The following LRRC4C variants were observed in gnomAD, a reference collection of about 807,000 sequenced individuals.
LRRC4C encodes the protein leucine rich repeat containing 4C, also known as leucine-rich repeat-containing protein 4C.
Under a neutral mutation model 33.6 loss-of-function variants are expected in LRRC4C, and 5 were observed. The ratio of observed to expected loss-of-function variants is 0.15; its 90% confidence interval spans 0.08 to 0.31. The LOEUF (loss-of-function observed/expected upper bound fraction) is 0.31. LRRC4C is among the 10% of genes least tolerant of loss of function. The pLI is 1.00. For synonymous variants in LRRC4C, 329 were observed against 302.0 expected (o/e 1.09, Z -0.93); for missense variants, 560 against 796.7 (o/e 0.70, Z 3.58).
chr11:40,741,304 A>G (rs1948147714), intron 2 of LRRC4C, among the ~76,000 whole-genome samples: 1 of 152,084 alleles, frequency 6.6e-6, no homozygotes, highest in African/African-American at 2.4e-5. Context: ...ACTCCAACTG[A>G]ATAAATAGGT....
At chr11:40,136,979 T>A (rs1857022279) in intron 6 of LRRC4C, among the ~76,000 whole-genome samples, 1 of 152,254 alleles carries the variant, frequency 6.6e-6, no homozygotes, top group African/African-American at 2.4e-5. Flanking sequence ...CTTTTTGTTT[T>A]GTTTTTGATT....
At chr11:40,201,534 G>T (rs998825955) in intron 5 of LRRC4C, among the ~76,000 whole-genome samples, 4 of 152,112 alleles carry the variant, frequency 2.6e-5, no homozygotes, top group African/African-American at 9.7e-5. Context: ...CCCCTCAGCA[G>T]TGGAAGTGAA....
intron 3 of LRRC4C, among the ~76,000 whole-genome samples, chr11:40,479,140 T>C (rs966329022): frequency 1.3e-5 from 2 of 152,184 alleles, no homozygotes; most frequent in Admixed American, 6.6e-5. Context: ...AAGCATTTTG[T>C]AATTTTATAT....
chr11:40,787,161 C>G (rs4472924), intron 2 of LRRC4C, among the ~76,000 whole-genome samples: 12,553 of 152,132 alleles, frequency 0.083, 681 homozygotes, highest in African/African-American at 0.16. Context: ...AAGAAGCAGA[C>G]CCTCTACTTC....
chr11:40,956,736 T>C (rs1448831766), intron 1 of LRRC4C, among the ~76,000 whole-genome samples: 1 of 151,750 alleles, frequency 6.6e-6, no homozygotes, highest in Non-Finnish European at 1.5e-5. Context: ...TATAACAAGT[T>C]ATTTTGGGCT....
chr11:40,125,550 T>TTCTCTC (rs35065547), intron 6 of LRRC4C, among the ~76,000 whole-genome samples: 1 of 151,180 alleles, frequency 6.6e-6, no homozygotes, highest in East Asian at 2.0e-4. Context: ...TGTTCATTTC[T>TTCTCTC]TCTCTCTCTC....
At chr11:40,893,823 ACAC>A (rs374438248) in intron 2 of LRRC4C, among the ~76,000 whole-genome samples, 90,572 of 122,540 alleles carry the variant, frequency 0.74, 31,427 homozygotes, top group Non-Finnish European at 0.81. Context: ...ATTATAACAC[ACAC>A]ACACACACAC....
At chr11:41,416,892 C>T (rs1868029) in intron 1 of LRRC4C, among the ~76,000 whole-genome samples, 66,101 of 151,734 alleles carry the variant, frequency 0.44, 15,081 homozygotes, top group East Asian at 0.58. Flanking sequence ...TGATGTTTTC[C>T]ATCTCTTGTG....
intron 5 of LRRC4C, among the ~76,000 whole-genome samples, chr11:40,175,877 C>G (rs550416967): frequency 1.1e-3 from 168 of 152,236 alleles, no homozygotes; most frequent in African/African-American, 3.9e-3. Context: ...TTCCTTAACA[C>G]TTCACCCTGC....
At chr11:40,204,464 T>C (rs1862997793) in intron 5 of LRRC4C, among the ~76,000 whole-genome samples, 3 of 152,138 alleles carry the variant, frequency 2.0e-5, no homozygotes, top group Non-Finnish European at 4.4e-5. Context: ...TGTAAATCTT[T>C]TTAAAAGCCT....
chr11:41,087,171 C>A (rs1376102159), intron 1 of LRRC4C, among the ~76,000 whole-genome samples: 1 of 152,084 alleles, frequency 6.6e-6, no homozygotes, highest in African/African-American at 2.4e-5. Flanking sequence ...TTGCATTTTT[C>A]TGAATCTCTC....
Position 41,231,176 on chromosome 11 carries a change from C to G in LRRC4C, c.-496+228255G>C, listed in dbSNP as rs1373535025. Among the ~76,000 whole-genome samples the G allele has an allele frequency of 2.0e-5, 3 of 152,108 alleles. No homozygotes were observed. In the East Asian group the frequency reaches 5.8e-4, roughly 29 times the overall value. On this transcript the variant is annotated intron_variant, in intron 1 of 6. Transcript: ENST00000528697. Reference sequence around the variant, plus strand: ...TTTACACTGTTGGTGGGACTGTAAACTAGTTCAACCACTGTGGAAGTCAGT... The same window carrying G: ...TTTACACTGTTGGTGGGACTGTAAAGTAGTTCAACCACTGTGGAAGTCAGT...
chr11:40,301,157 AT>A (rs1944755959), intron 4 of LRRC4C, among the ~76,000 whole-genome samples: 1 of 152,212 alleles, frequency 6.6e-6, no homozygotes, highest in Admixed American at 6.5e-5. Flanking sequence ...AACATGACAA[AT>A]TTGAGGAGTG....
chr11:41,040,487 A>C (rs1857368100), intron 1 of LRRC4C, among the ~76,000 whole-genome samples: 1 of 152,206 alleles, frequency 6.6e-6, no homozygotes, highest in Non-Finnish European at 1.5e-5. Flanking sequence ...CGTTTCACTG[A>C]ATTAATTTAG....
chr11:41,394,298 G>T (rs1384931423), intron 1 of LRRC4C, among the ~76,000 whole-genome samples: 1 of 151,914 alleles, frequency 6.6e-6, no homozygotes, highest in Non-Finnish European at 1.5e-5. Flanking sequence ...GACTCTTCCA[G>T]CTTCTCTCTA....
At chr11:40,383,926 TA>T (rs199540122) in intron 3 of LRRC4C, among the ~76,000 whole-genome samples, 9,269 of 141,344 alleles carry the variant, frequency 0.066, 907 homozygotes, top group African/African-American at 0.22. Flanking sequence ...TTCAAATTAT[TA>T]TTATTATTAT....
chr11:40,573,094 G>A (rs1958048246), intron 3 of LRRC4C, among the ~76,000 whole-genome samples: 1 of 152,076 alleles, frequency 6.6e-6, no homozygotes, highest in South Asian at 2.1e-4. Context: ...TTATTGCTCT[G>A]GGATTGGAGA....
chr11:40,374,860 C>T (rs1285457728), intron 3 of LRRC4C, among the ~76,000 whole-genome samples: 2 of 152,278 alleles, frequency 1.3e-5, no homozygotes, highest in South Asian at 2.1e-4. Flanking sequence ...ACCCCAAATA[C>T]TTTGGGACCA....
At chr11:40,570,714 G>A (rs1480734315) in intron 3 of LRRC4C, among the ~76,000 whole-genome samples, 1 of 151,862 alleles carries the variant, frequency 6.6e-6, no homozygotes, top group African/African-American at 2.4e-5. Flanking sequence ...TTATTTCTCT[G>A]AGATTCTCAT....
Sources: gnomAD v4.1 joint callset for allele counts (sites outside exome capture counted in the v4.1 genomes callset) on GRCh38, gnomAD v4.1.1 for gene constraint, MANE v1.5 for transcripts, NCBI Gene and HGNC (gene_info 2026-07-23, HGNC 2026-07-21) for gene names.